CAMK2D: variants seen among roughly 807,000 people sequenced by gnomAD.
CAMK2D encodes the protein calcium/calmodulin dependent protein kinase II delta.
CAMK2D carries 37 observed loss-of-function variants against 84.0 expected under a neutral mutation model. The ratio of observed to expected loss-of-function variants is 0.44; its 90% CI spans 0.34 to 0.58. The LOEUF is 0.58. Among genes scored for constraint, CAMK2D ranks in the 20% least tolerant of loss-of-function variants. CAMK2D has a pLI of 0.02. For synonymous variants in CAMK2D, 202 were observed against 212.5 expected, an observed-to-expected ratio of 0.95 and a Z score of 0.43; for missense variants, 448 against 652.5, an observed-to-expected ratio of 0.69 and a Z score of 3.41.
In CAMK2D at chr4:113,741,268, T is replaced by C. The variant is rs568779885; in HGVS notation, c.160+18052A>G. Among the ~76,000 whole-genome samples the C allele has an allele frequency of 2.0e-4, 31 of 152,266 alleles. No homozygotes were observed. The South Asian group carries it at 5.0e-3, about 24-fold the overall frequency. Reference sequence around the variant, plus strand: ...CCTTAATAAGGAAATAAAAAATGTATATGCTAAGATCTATGGTAAGAATAA... The same window carrying C: ...CCTTAATAAGGAAATAAAAAATGTACATGCTAAGATCTATGGTAAGAATAA... On this transcript the variant is annotated intron_variant, in intron 2 of 20. Transcript: ENST00000511664.
rs1260980124 is a variant in CAMK2D at position 113,453,508 on chromosome 4, C to G, written c.*1037G>C. The G allele has an allele frequency of 6.6e-6, 1 of 152,148 alleles. No homozygotes were observed. Among genetic ancestry groups the G allele is most frequent in the Non-Finnish European group, 1.5e-5 (1 of 68,022 alleles). The allele number at this position is 152,148 out of a possible 1,614,324, so 9.4% of individuals were successfully genotyped here. A position where few individuals can be genotyped will look rare whatever the true frequency, so the allele number is the denominator to read the frequency against. On this transcript the variant is annotated 3_prime_UTR_variant, in exon 21 of 21. Transcript: ENST00000511664. ...AATACCTCCAACATAGTTAGGATAC[C>G]TAAGTCCAAACTAGAGCTTAAGCAG...
chr4:113,573,977 A>G (rs1382532016), intron 4 of CAMK2D, among the ~76,000 whole-genome samples: 1 of 152,136 alleles, frequency 6.6e-6, no homozygotes, highest in Non-Finnish European at 1.5e-5. Flanking sequence ...TTACCTTTTA[A>G]CTATCTTCAG....
intron 4 of CAMK2D, among the ~76,000 whole-genome samples, chr4:113,565,397 TC>T (rs2098717883): frequency 6.6e-6 from 1 of 152,096 alleles, no homozygotes; most frequent in African/African-American, 2.4e-5. Flanking sequence ...ACGCCTGTAA[TC>T]CCAGCACTTT....
chr4:113,566,069 G>C (rs937317299), intron 4 of CAMK2D, among the ~76,000 whole-genome samples: 21 of 152,056 alleles, frequency 1.4e-4, no homozygotes, highest in Middle Eastern at 3.4e-3. Flanking sequence ...ATCTTCAGTT[G>C]CCACTAAGAA....
intron 4 of CAMK2D, among the ~76,000 whole-genome samples, chr4:113,568,730 A>T (rs185843715): frequency 6.6e-6 from 1 of 152,038 alleles, no homozygotes; most frequent in East Asian, 1.9e-4. Flanking sequence ...ATCCTGGCCA[A>T]CACTTGTTAC....
intron 2 of CAMK2D, among the ~76,000 whole-genome samples, chr4:113,664,939 C>A (rs28714329): frequency 6.6e-6 from 1 of 151,950 alleles, no homozygotes; most frequent in Non-Finnish European, 1.5e-5. Flanking sequence ...AAGTAGCTGG[C>A]ATTGCAGGCA....
chr4:113,523,502 G>A (rs1162611824), intron 8 of CAMK2D, among the ~76,000 whole-genome samples: 1 of 151,944 alleles, frequency 6.6e-6, no homozygotes, highest in East Asian at 1.9e-4. Context: ...ATAAAAAAAG[G>A]TCCCACACAC....
chr4:113,711,473 C>G (rs1375514903), intron 2 of CAMK2D, among the ~76,000 whole-genome samples: 3 of 152,000 alleles, frequency 2.0e-5, no homozygotes, highest in Non-Finnish European at 4.4e-5. Context: ...CATATTTTTA[C>G]TAAGGAGATT....
intron 12 of CAMK2D, among the ~76,000 whole-genome samples, chr4:113,512,990 C>T (rs183102642): frequency 7.2e-4 from 109 of 152,238 alleles, no homozygotes; most frequent in African/African-American, 2.1e-3. Context: ...AGGTTTGAAA[C>T]GCTGAGATCG....
intron 8 of CAMK2D, 45 bp downstream of exon 8, chr4:113,531,171 G>T: frequency 1.1e-6 from 1 of 940,732 alleles, no homozygotes; most frequent in Non-Finnish European, 1.8e-6. Flanking sequence ...AATGGACTAA[G>T]ACACTAGCTT....
At chr4:113,664,222 T>C (rs546413712) in intron 2 of CAMK2D, among the ~76,000 whole-genome samples, 2 of 152,366 alleles carry the variant, frequency 1.3e-5, no homozygotes, top group Admixed American at 1.3e-4. Context: ...TGTTGTACTT[T>C]GTTGTGGTAG....
At chr4:113,622,597 T>C (rs1365544955) in intron 3 of CAMK2D, among the ~76,000 whole-genome samples, 2 of 152,130 alleles carry the variant, frequency 1.3e-5, no homozygotes, top group Admixed American at 1.3e-4. Context: ...ACGCCCCATC[T>C]CTACAAAACA....
At position 113,761,668 on chromosome 4, in the gene CAMK2D, AGCGAGGCACCTTGGC is replaced by A; in HGVS notation, c.-615_-601del. 1.0e-6 allele frequency: 1 copy of A among 984,918 alleles called. No homozygotes were observed. The highest frequency in any genetic ancestry group is 1.2e-6 in the Non-Finnish European group (1 of 829,638). The allele number at this position is 984,918 out of a possible 1,614,324, so 61.0% of individuals were successfully genotyped here. A position where few individuals can be genotyped will look rare whatever the true frequency, so the allele number is the denominator to read the frequency against. On this transcript the variant is annotated 5_prime_UTR_variant, in exon 1 of 21. Transcript: ENST00000511664. ...CGGCGGGCGGCAGCGGCTCCGGCGA[AGCGAGGCACCTTGGC>A]GGCCTCGCGCTGCTCACGAGCCCGC...
At chr4:113,730,913 G>A (rs1365919366) in intron 2 of CAMK2D, among the ~76,000 whole-genome samples, 2 of 152,082 alleles carry the variant, frequency 1.3e-5, no homozygotes, top group South Asian at 2.1e-4. Context: ...CTTATACAAC[G>A]GCTATAGGAC....
At chr4:113,759,979 T>C (rs1167927384) in intron 1 of CAMK2D, among the ~76,000 whole-genome samples, 1 of 152,242 alleles carries the variant, frequency 6.6e-6, no homozygotes, top group Non-Finnish European at 1.5e-5. Flanking sequence ...CTCCATGTTT[T>C]AACACCAGAC....
At chr4:113,707,100 ATGATAGCGAGCCACCATTCTCGT>A (rs2099461290) in intron 2 of CAMK2D, among the ~76,000 whole-genome samples, 1 of 152,218 alleles carries the variant, frequency 6.6e-6, no homozygotes, top group Non-Finnish European at 1.5e-5. Flanking sequence ...CAAGTGAAAT[ATGATAGCGAGCCACCATTCTCGT>A]TGTGTTTTAA....
At chr4:113,586,059 C>CT (rs748709060) in intron 4 of CAMK2D, among the ~76,000 whole-genome samples, 7 of 152,034 alleles carry the variant, frequency 4.6e-5, no homozygotes, top group African/African-American at 1.5e-4. Flanking sequence ...TTTTGTTTCA[C>CT]TTTTTTTGCT....
intron 16 of CAMK2D, among the ~76,000 whole-genome samples, chr4:113,480,712 G>C (rs1033011840): frequency 1.3e-5 from 2 of 152,102 alleles, no homozygotes; most frequent in Admixed American, 1.3e-4. Context: ...ACGGTGGCGG[G>C]TGCCTGTAAT....
At chr4:113,654,847 G>A (rs2099191626) in intron 3 of CAMK2D, among the ~76,000 whole-genome samples, 1 of 151,572 alleles carries the variant, frequency 6.6e-6, no homozygotes, top group African/African-American at 2.4e-5. Flanking sequence ...CTGATTATGT[G>A]TAATACATAT....
Sources: allele counts gnomAD v4.1 joint callset (sites outside exome capture counted in the v4.1 genomes callset), GRCh38; gene constraint gnomAD v4.1.1; transcripts MANE v1.5; gene names NCBI Gene and HGNC (gene_info 2026-07-23, HGNC 2026-07-21).